The following NUP205 variants were observed in gnomAD, a reference collection of about 807,000 sequenced individuals.
The protein encoded by NUP205 is nucleoporin 205.
In NUP205, 76 loss-of-function variants were observed where a neutral mutation model predicts 253.8. The observed-to-expected ratio is 0.30, with a 90% confidence interval of 0.25 to 0.36. The LOEUF (loss-of-function observed/expected upper bound fraction) is 0.36, where lower values mean the gene tolerates loss of function less well. NUP205 is among the 10% of genes least tolerant of loss of function. NUP205 has a pLI of 1.00. For synonymous variants in NUP205, 832 were observed against 850.1 expected, an observed-to-expected ratio of 0.98 and a Z score of 0.37; for missense variants, 2,162 against 2,425.5, an observed-to-expected ratio of 0.89 and a Z score of 2.28.
Position 135,618,031 on chromosome 7 carries a change from T to C in NUP205, c.3771+349T>C, listed in dbSNP as rs150414406. Among the ~76,000 whole-genome samples, 218 of 151,766 alleles carry C rather than the reference T, an allele frequency of 1.4e-3. 2 individuals carry two copies. Among genetic ancestry groups the C allele is most frequent in the African/African-American group, 5.1e-3 (209 of 41,354 alleles). ...GTGGGAAGAACCACATGAATGGAGA[T>C]ACAGCCGGCCAGGCCAAAGCAAGAG... On this transcript the variant is annotated intron_variant, in intron 27 of 42. Coordinates refer to ENST00000285968, the MANE Select transcript of NUP205 (RefSeq NM_015135.3).
chr7:135,568,775 T>G (rs1445153636), intron 1 of NUP205, among the ~76,000 whole-genome samples: 4 of 152,250 alleles, frequency 2.6e-5, no homozygotes, highest in Non-Finnish European at 5.9e-5. Context: ...CTCTGAATTC[T>G]CTTTCATGCT....
Position 135,619,434 on chromosome 7 carries a change from T to C in NUP205, c.3975T>C (p.Asp1325=), listed in dbSNP as rs1043660808. The change falls in exon 29 of 43, where the codon GAT becomes GAC. Residue 1325 remains aspartate (D), a synonymous_variant. Coordinates refer to ENST00000285968, the MANE Select transcript of NUP205 (RefSeq NM_015135.3). ...CCTTGTCCTTTAAGATACTGGATGATGAAGCTGCGCAAGAGTTAATGCCTG... is the reference window on the plus strand; with the variant it reads ...CCTTGTCCTTTAAGATACTGGATGACGAAGCTGCGCAAGAGTTAATGCCTG... The part of the protein sequence containing the change: ...LQDVHDKILD[D]EAAQELMPVV... The C allele has an allele frequency of 3.1e-6, 5 of 1,612,540 alleles. No individual in the cohort carries two copies. In the East Asian group the frequency reaches 6.7e-5, roughly 22 times the overall value.
intron 31 of NUP205, among the ~76,000 whole-genome samples, chr7:135,623,887 A>G (rs1252976566): frequency 1.3e-5 from 2 of 152,090 alleles, no homozygotes; most frequent in African/African-American, 2.4e-5. Flanking sequence ...AGTTCACGCC[A>G]TTCTCCTGCC....
rs1563120715 is a variant in NUP205 at position 135,594,617 on chromosome 7, T to A, written c.1901T>A (p.Leu634His). ...CCTGTTGTGGTGATTCTGGGACTCC[T>A]CCAATGCAGTATTCCCCCTGTCCTA... is the stretch of plus-strand genomic sequence containing the variant. Reference protein sequence around the residue: ...WTPVVVILGLLQCSIPPVLKA... With the variant: ...WTPVVVILGLHQCSIPPVLKA... Residue 634 changes from leucine (L) to histidine (H), a missense_variant, in exon 13 of 43, where the codon CTC becomes CAC. Around this residue, in one of 5 missense-constraint regions of NUP205, gnomAD observed 892 missense variants for 957.1 expected, o/e 0.93. Transcript: ENST00000285968. 12 of 1,613,840 alleles carry A rather than the reference T, an allele frequency of 7.4e-6. No homozygotes were observed. The highest frequency in any genetic ancestry group is 1.0e-5 in the Non-Finnish European group (12 of 1,179,858).
chr7:135,647,222 C>T (rs1795028954), intron 42 of NUP205, among the ~76,000 whole-genome samples: 1 of 152,232 alleles, frequency 6.6e-6, no homozygotes, highest in Admixed American at 6.5e-5. Context: ...AGATCCTCTG[C>T]TAGCCATCTG....
intron 35 of NUP205, among the ~76,000 whole-genome samples, chr7:135,631,739 TC>T (rs1252098485): frequency 2.0e-4 from 24 of 117,572 alleles, no homozygotes; most frequent in East Asian, 4.8e-4. Flanking sequence ...TTTTTTTTTT[TC>T]TTTCTTTCTT....
At chr7:135,607,810 C>CT (rs200428939) in intron 22 of NUP205, among the ~76,000 whole-genome samples, 29 of 146,330 alleles carry the variant, frequency 2.0e-4, no homozygotes, top group South Asian at 4.4e-4. Flanking sequence ...AGTGAAAGCA[C>CT]TTTTTTTTTT....
chr7:135,591,302 C>T (rs1806622515), intron 10 of NUP205, 148 bp from the exon 11 acceptor site: 1 of 612,976 alleles, frequency 1.6e-6, no homozygotes, highest in South Asian at 2.2e-5. Flanking sequence ...AACAATTTTT[C>T]ATAAATAGAA....
chr7:135,595,744 T>C (rs1793817510), intron 13 of NUP205, among the ~76,000 whole-genome samples: 1 of 152,178 alleles, frequency 6.6e-6, no homozygotes, highest in Non-Finnish European at 1.5e-5. Context: ...TTCTTTTCTC[T>C]AGAGATAAGC....
chr7:135,616,986 C>T lies in NUP205; in HGVS notation c.3533-104C>T, dbSNP rs539208536. 5.3e-5 allele frequency: 44 copies of T among 832,314 alleles called. 1 individual carries two copies. The highest frequency in any genetic ancestry group is 1.7e-4 in the East Asian group (6 of 36,126). The allele number at this position is 832,314 out of a possible 1,614,324, so 51.6% of individuals were successfully genotyped here. On this transcript the variant is annotated intron_variant, in intron 25 of 42. Coordinates refer to ENST00000285968, the MANE Select transcript of NUP205 (RefSeq NM_015135.3). ...TTTTCAGTTTCTTGACTATTTTATG[C>T]TCTTTCTGAAAATAGCACTGTCTTT...
At chr7:135,630,705 C>G (rs566398232) in intron 35 of NUP205, among the ~76,000 whole-genome samples, 1 of 152,066 alleles carries the variant, frequency 6.6e-6, no homozygotes, top group Non-Finnish European at 1.5e-5. Context: ...AGGATGATTG[C>G]TTGAGGCCAA....
intron 18 of NUP205, among the ~76,000 whole-genome samples, chr7:135,603,617 C>G (rs1794014876): frequency 7.1e-6 from 1 of 140,788 alleles, no homozygotes; most frequent in Non-Finnish European, 1.6e-5. Context: ...TCAGGCGATT[C>G]TCCCACCTCA....
chr7:135,597,082 T>G (rs1350216512), intron 13 of NUP205, among the ~76,000 whole-genome samples: 1 of 152,182 alleles, frequency 6.6e-6, no homozygotes, highest in Admixed American at 6.5e-5. Flanking sequence ...AAATCCTTTT[T>G]AAAGATTCAT....
intron 33 of NUP205, among the ~76,000 whole-genome samples, chr7:135,627,176 C>A (rs1328763942): frequency 6.6e-6 from 1 of 152,012 alleles, no homozygotes; most frequent in Admixed American, 6.6e-5. Flanking sequence ...TGCTTTCGTT[C>A]CCCCTCAATA....
intron 22 of NUP205, among the ~76,000 whole-genome samples, chr7:135,612,243 C>T (rs1393465483): frequency 6.6e-6 from 1 of 152,164 alleles, no homozygotes; most frequent in African/African-American, 2.4e-5. Context: ...GAATTCATTG[C>T]CCCTATGGAA....
At chr7:135,633,340 CCT>C (rs1269874477) in intron 35 of NUP205, among the ~76,000 whole-genome samples, 2 of 152,060 alleles carry the variant, frequency 1.3e-5, no homozygotes, top group Non-Finnish European at 2.9e-5. Context: ...AGCTGGAACG[CCT>C]GAGCTCAAAT....
chr7:135,615,676 C>T (rs980231927), intron 23 of NUP205, among the ~76,000 whole-genome samples: 3 of 152,114 alleles, frequency 2.0e-5, no homozygotes, highest in African/African-American at 7.2e-5. Context: ...ACTTGATTCT[C>T]TTTTACTCTT....
chr7:135,607,271 G>T lies in NUP205; in HGVS notation c.3095G>T (p.Cys1032Phe), dbSNP rs752260922. 6.2e-7 allele frequency: 1 copy of T among 1,614,082 alleles called. No homozygotes were observed. Among genetic ancestry groups the T allele is most frequent in the Non-Finnish European group, 8.5e-7 (1 of 1,179,974 alleles). Residue 1032 changes from cysteine to phenylalanine, a missense_variant, in exon 22 of 43, where the codon TGC becomes TTC. Physicochemically the swap from Cys to Phe is radical, Grantham distance 205 (BLOSUM62 -2). Around this residue, in one of 5 missense-constraint regions of NUP205, gnomAD observed 1,144 missense variants for 1,280.9 expected, o/e 0.89. Transcript: ENST00000285968. Reference sequence around the variant, plus strand: ...GGAGTGTTAGGTTGCCCTCGGACATGCCTTCACGCCATTCTAAACATCTTG... The same window carrying T: ...GGAGTGTTAGGTTGCCCTCGGACATTCCTTCACGCCATTCTAAACATCTTG... ...DPGVLGCPRT[C>F]LHAILNILEK... is the part of the protein sequence containing the mutation.
chr7:135,619,376 A>T, intron 28 of NUP205, 47 bp from the exon 29 acceptor site: 4 of 1,571,802 alleles, frequency 2.5e-6, no homozygotes, highest in Non-Finnish European at 3.4e-6. Context: ...GTTAATGATT[A>T]TAGCTGAAAG....
Sources: allele counts gnomAD v4.1 joint callset (sites outside exome capture counted in the v4.1 genomes callset), GRCh38; gene constraint gnomAD v4.1.1; regional missense constraint gnomAD v4.1.1; transcripts MANE v1.5; gene names NCBI Gene and HGNC (gene_info 2026-07-23, HGNC 2026-07-21).